Variants in FMO1 observed in about 807,000 individuals in gnomAD.
The protein encoded by FMO1 is flavin containing dimethylaniline monoxygenase 1.
Under a neutral mutation model 45.4 loss-of-function variants are expected in FMO1, and 36 were observed. That is an observed-to-expected ratio of 0.79 (90% CI 0.61 to 1.05). The LOEUF (loss-of-function observed/expected upper bound fraction) is 1.05, where lower values mean the gene tolerates loss of function less well. FMO1 is among the 50% of genes least tolerant of loss of function. The pLI is 0.00. For missense variants in FMO1, 615 were observed against 640.3 expected (o/e 0.96, Z 0.43); for synonymous variants, 228 against 227.2 (o/e 1.00, Z -0.03).
At chr1:171,283,317 A>G in intron 8 of FMO1, 101 bp downstream of exon 8, 1 of 607,250 alleles carries the variant, frequency 1.6e-6, no homozygotes, top group East Asian at 3.3e-5. Context: ...AAAGAAAAAA[A>G]AACAATAGCA....
intron 2 of FMO1, among the ~76,000 whole-genome samples, chr1:171,262,525 T>C (rs534903326): frequency 6.6e-6 from 1 of 152,288 alleles, no homozygotes; most frequent in Non-Finnish European, 1.5e-5. Context: ...CAACAAACAT[T>C]GATTGAAACC....
rs753656898 is a variant in FMO1 at position 171,258,126 on chromosome 1, C to T, written c.39C>T (p.Ser13=). 9 of 1,614,124 alleles carry T rather than the reference C, an allele frequency of 5.6e-6. No individual in the cohort carries two copies. Among genetic ancestry groups the T allele is most frequent in the South Asian group, 1.1e-5 (1 of 91,086 alleles). ...TTGCCATTGTGGGAGCTGGGGTCAG[C>T]GGCCTGGCCTCCATCAAGTGCTGTC... ...KRVAIVGAGV[S]GLASIKCCLE... The change falls in exon 2 of 9, where the codon AGC becomes AGT. Residue 13 remains serine, a synonymous_variant. Transcript: ENST00000617670.
chr1:171,276,944 T>G (rs1208896125), intron 4 of FMO1, among the ~76,000 whole-genome samples: 2 of 152,186 alleles, frequency 1.3e-5, no homozygotes, highest in African/African-American at 4.8e-5. Context: ...AGTCGCCCAC[T>G]TAACTTTTCT....
intron 3 of FMO1, among the ~76,000 whole-genome samples, chr1:171,275,109 C>G (rs560100759): frequency 6.6e-6 from 1 of 152,270 alleles, no homozygotes; most frequent in African/African-American, 2.4e-5. Context: ...AGAATTTGAG[C>G]AAATCACTTA....
In FMO1 at chr1:171,258,153, G is replaced by A. The variant is rs1164420279; in HGVS notation, c.66G>A (p.Leu22=). The part of the protein sequence containing the change: ...VSGLASIKCC[L]EEGLEPTCFE... ...GCCTGGCCTCCATCAAGTGCTGTCT[G>A]GAAGAAGGACTGGAGCCCACCTGCT... is the stretch of plus-strand genomic sequence containing the variant. The change falls in exon 2 of 9, where the codon CTG becomes CTA. Residue 22 remains leucine (L), a synonymous_variant. Transcript: ENST00000617670. The A allele has an allele frequency of 6.2e-7, 1 of 1,614,174 alleles. No individual in the cohort carries two copies. Among genetic ancestry groups the A allele is most frequent in the South Asian group, 1.1e-5 (1 of 91,090 alleles).
chr1:171,271,556 G>A (rs1229318685), intron 3 of FMO1: 3 of 820,462 alleles, frequency 3.7e-6, no homozygotes, highest in African/African-American at 1.7e-5. Context: ...ATGACATTTT[G>A]CCTCTTGGCT....
At position 171,270,566 on chromosome 1, in the gene FMO1, T is replaced by G. The variant is rs1558011516; in HGVS notation, c.321+2835T>G. On this transcript the variant is annotated intron_variant, in intron 3 of 8. Transcript: ENST00000617670. ...AAAACAGCTGCAACTTTTTTTTTTT[T>G]GCAATTACAGAGTGGTATTCAGTTA... The G allele has an allele frequency of 1.7e-5, 17 of 982,922 alleles. No homozygotes were observed. In the South Asian group the frequency reaches 7.1e-4, roughly 41 times the overall value. 60.9% of individuals were successfully genotyped at this position (982,922 alleles called of 1,614,324 possible).
At chr1:171,262,535 C>T (rs1314384705) in intron 2 of FMO1, among the ~76,000 whole-genome samples, 1 of 152,140 alleles carries the variant, frequency 6.6e-6, no homozygotes, top group African/African-American at 2.4e-5. Flanking sequence ...TGATTGAAAC[C>T]CTACTATGTG....
In FMO1 at chr1:171,258,100, G is replaced by T. The variant is rs1292983502; in HGVS notation, c.13G>T (p.Val5Phe). The change falls in exon 2 of 9, where the codon GTT becomes TTT. Residue 5 changes from valine to phenylalanine, a missense_variant. Val to Phe is a conservative substitution (Grantham distance 50). Transcript: ENST00000617670. MAKRVAIVGAGVSGL... is the reference protein window; with the variant it reads MAKRFAIVGAGVSGL... ...CATGCAGGAGAACATGGCCAAGCGA[G>T]TTGCCATTGTGGGAGCTGGGGTCAG... 6.2e-7 allele frequency: 1 copy of T among 1,614,176 alleles called. No individual in the cohort carries two copies. The highest frequency in any genetic ancestry group is 1.7e-5 in the Admixed American group (1 of 60,024).
intron 2 of FMO1, among the ~76,000 whole-genome samples, chr1:171,265,561 CA>C (rs1158482536): frequency 1.3e-5 from 2 of 152,042 alleles, no homozygotes; most frequent in East Asian, 1.9e-4. Context: ...AAAACAATTA[CA>C]AAAAATGAAC....
rs28384855 is a variant in FMO1, at chr1:171,257,564, G to A, written c.-6-518G>A. On this transcript the variant is annotated intron_variant, in intron 1 of 8. Coordinates refer to ENST00000617670, the MANE Select transcript of FMO1 (RefSeq NM_001282693.2). The stretch of plus-strand genomic sequence containing the variant: ...GGGCAGGATCACACAGGGCAGTGCC[G>A]CGGTAGCACCCGTGGTGCCACAGGT... 5.1e-3 allele frequency among the ~76,000 whole-genome samples: 781 copies of A among 152,220 alleles called. 9 individuals are homozygous for A. Among genetic ancestry groups the A allele is most frequent in the African/African-American group, 0.018 (747 of 41,540 alleles).
intron 1 of FMO1, among the ~76,000 whole-genome samples, chr1:171,257,542 C>T (rs1240292896): frequency 6.6e-6 from 1 of 152,120 alleles, no homozygotes; most frequent in Non-Finnish European, 1.5e-5. Flanking sequence ...GTGCCAGGGG[C>T]AGGATCACAC....
At chr1:171,280,545 A>G (rs1252904475) in intron 5 of FMO1, among the ~76,000 whole-genome samples, 1 of 152,180 alleles carries the variant, frequency 6.6e-6, no homozygotes, top group Admixed American at 6.5e-5. Context: ...GCTGGCAGAT[A>G]ATAAGTATTC....
At position 171,278,955 on chromosome 1, in the gene FMO1, T is replaced by C. The variant is rs987046595; in HGVS notation, c.627+84T>C. ...ATGGTGTTTGACACCATGATAAATG[T>C]TAAAGGAATAAAATGTCTCACATGC... On this transcript the variant is annotated intron_variant, in intron 5 of 8. Coordinates refer to ENST00000617670, the MANE Select transcript of FMO1 (RefSeq NM_001282693.2). The C allele has an allele frequency of 1.6e-5, 17 of 1,080,950 alleles. No homozygotes were observed. The African/African-American group carries it at 2.2e-4, about 14-fold the overall frequency. The allele number at this position is 1,080,950 out of a possible 1,614,324, so 67.0% of individuals were successfully genotyped here. A position where few individuals can be genotyped will look rare whatever the true frequency, so the allele number is the denominator to read the frequency against.
chr1:171,264,126 CG>C (rs1660501212), intron 2 of FMO1, among the ~76,000 whole-genome samples: 1 of 152,010 alleles, frequency 6.6e-6, no homozygotes, highest in Non-Finnish European at 1.5e-5. Flanking sequence ...TTCCTGGAAG[CG>C]CTTCATCTTT....
intron 8 of FMO1, 86 bp downstream of exon 8, chr1:171,283,302 A>T: frequency 1.8e-6 from 1 of 558,416 alleles, no homozygotes. Context: ...AAAAAAGGAA[A>T]TGAAAAAGAA....
chr1:171,276,539 A>G (rs1661116058), intron 4 of FMO1, among the ~76,000 whole-genome samples: 1 of 152,200 alleles, frequency 6.6e-6, no homozygotes, highest in African/African-American at 2.4e-5. Flanking sequence ...CCAAAATTCC[A>G]GAAAGGAGTA....
At chr1:171,255,070 C>A (rs895551482) in intron 1 of FMO1, among the ~76,000 whole-genome samples, 1 of 152,196 alleles carries the variant, frequency 6.6e-6, no homozygotes, top group Admixed American at 6.5e-5. Flanking sequence ...GATGCCTGAG[C>A]TCATCAGAGA....
intron 5 of FMO1, 22 bp downstream of exon 5, chr1:171,278,893 G>A (rs1454591252): frequency 5.1e-6 from 8 of 1,570,580 alleles, no homozygotes; most frequent in East Asian, 2.3e-5. Context: ...ATGTTACTGG[G>A]TGAAGAGCTT....
Sources: gnomAD v4.1 joint callset for allele counts (sites outside exome capture counted in the v4.1 genomes callset) on GRCh38, gnomAD v4.1.1 for gene constraint, MANE v1.5 for transcripts, NCBI Gene and HGNC (gene_info 2026-07-23, HGNC 2026-07-21) for gene names.